Variants in TSPAN18 observed in about 807,000 individuals in gnomAD.
TSPAN18 encodes the protein tetraspanin 18.
Under a neutral mutation model 27.3 loss-of-function variants are expected in TSPAN18, and 14 were observed. The observed-to-expected ratio is 0.51, with a 90% CI of 0.34 to 0.80. The LOEUF is 0.80. Among genes scored for constraint, TSPAN18 ranks in the 30% least tolerant of loss-of-function variants. The pLI, the probability that TSPAN18 is intolerant of heterozygous loss-of-function variation, is 0.01. For missense variants in TSPAN18, 268 were observed against 323.9 expected, an observed-to-expected ratio of 0.83 and a Z score of 1.32; for synonymous variants, 143 against 136.5, an observed-to-expected ratio of 1.05 and a Z score of -0.33.
chr11:44,888,238 G>A (rs1232180464), intron 3 of TSPAN18, among the ~76,000 whole-genome samples: 2 of 152,150 alleles, frequency 1.3e-5, no homozygotes, highest in Non-Finnish European at 2.9e-5. Flanking sequence ...GTGCCTTCTG[G>A]CATCTGAGAC....
intron 2 of TSPAN18, among the ~76,000 whole-genome samples, chr11:44,799,595 G>A (rs764363329): frequency 3.3e-5 from 5 of 152,172 alleles, no homozygotes; most frequent in Admixed American, 6.5e-5. Flanking sequence ...GGCCTATTGC[G>A]TGGGGCACAT....
chr11:44,732,117 G>A (rs1055117385), intron 1 of TSPAN18, among the ~76,000 whole-genome samples: 11 of 152,238 alleles, frequency 7.2e-5, no homozygotes, highest in Admixed American at 7.2e-4. Context: ...GGCCCGGTCC[G>A]TGGTCTAAAG....
At chr11:44,887,123 G>A (rs775190613) in intron 3 of TSPAN18, among the ~76,000 whole-genome samples, 4 of 152,126 alleles carry the variant, frequency 2.6e-5, no homozygotes, top group African/African-American at 4.8e-5. Flanking sequence ...TCTAAATTTC[G>A]GCTAATAAGA....
At chr11:44,809,800 A>G (rs1288493097) in intron 2 of TSPAN18, among the ~76,000 whole-genome samples, 1 of 152,156 alleles carries the variant, frequency 6.6e-6, no homozygotes, top group Non-Finnish European at 1.5e-5. Flanking sequence ...TGTTATGGGG[A>G]ATAAGTGAGA....
intron 1 of TSPAN18, among the ~76,000 whole-genome samples, chr11:44,740,128 GATCTCTGCCCGCCCCTTGCCT>G (rs1440686003): frequency 6.6e-6 from 1 of 152,166 alleles, no homozygotes; most frequent in African/African-American, 2.4e-5. Context: ...GGCCCTCTCC[GATCTCTGCCCGCCCCTTGCCT>G]ATCTCTGCTT....
At chr11:44,767,315 C>T (rs557380357) in intron 2 of TSPAN18, among the ~76,000 whole-genome samples, 27 of 152,302 alleles carry the variant, frequency 1.8e-4, no homozygotes, top group South Asian at 6.2e-4. Context: ...CCCCAGAAGG[C>T]GAGCATTAAT....
intron 2 of TSPAN18, among the ~76,000 whole-genome samples, chr11:44,842,872 C>T (rs916824822): frequency 6.6e-6 from 1 of 152,160 alleles, no homozygotes; most frequent in Non-Finnish European, 1.5e-5. Flanking sequence ...CCCTCCAGCC[C>T]AGAAGGCTCT....
At chr11:44,868,719 C>T (rs576477077) in intron 3 of TSPAN18, among the ~76,000 whole-genome samples, 2 of 152,300 alleles carry the variant, frequency 1.3e-5, no homozygotes, top group South Asian at 4.1e-4. Flanking sequence ...CAAACCACAA[C>T]CAGGGTCCTG....
At chr11:44,785,724 G>A (rs1389387035) in intron 2 of TSPAN18, among the ~76,000 whole-genome samples, 3 of 152,106 alleles carry the variant, frequency 2.0e-5, no homozygotes, top group Non-Finnish European at 4.4e-5. Context: ...GGTCTTTGGC[G>A]GGACTTTGTA....
chr11:44,907,545 G>T (rs1859498166), intron 4 of TSPAN18, among the ~76,000 whole-genome samples: 1 of 152,036 alleles, frequency 6.6e-6, no homozygotes, highest in Non-Finnish European at 1.5e-5. Flanking sequence ...ATCCTAAAAA[G>T]CCTCAAGCCT....
At chr11:44,726,431 C>T (rs1854502601), upstream of TSPAN18, 1 of 152,232 alleles carries the variant, frequency 6.6e-6, no homozygotes, top group East Asian at 1.9e-4. Flanking sequence ...TTGCATCTGA[C>T]CTGGGGTCAG....
chr11:44,806,656 G>C (rs936372723), intron 2 of TSPAN18, among the ~76,000 whole-genome samples: 1 of 152,114 alleles, frequency 6.6e-6, no homozygotes, highest in Non-Finnish European at 1.5e-5. Flanking sequence ...CCTTTTTTCA[G>C]TTTTACTTGT....
chr11:44,798,085 C>T (rs968485049), intron 2 of TSPAN18, among the ~76,000 whole-genome samples: 2 of 152,202 alleles, frequency 1.3e-5, no homozygotes, highest in African/African-American at 4.8e-5. Flanking sequence ...TCTAGAAAGG[C>T]TCTTCAGGCC....
At chr11:44,809,414 A>G (rs1856668054) in intron 2 of TSPAN18, among the ~76,000 whole-genome samples, 1 of 152,100 alleles carries the variant, frequency 6.6e-6, no homozygotes, top group African/African-American at 2.4e-5. Flanking sequence ...TTCTTGTCAC[A>G]AAAGGATTCA....
At chr11:44,882,756 G>A (rs928170303) in intron 3 of TSPAN18, among the ~76,000 whole-genome samples, 11 of 152,180 alleles carry the variant, frequency 7.2e-5, no homozygotes, top group African/African-American at 2.4e-4. Context: ...CAAGGCCAGA[G>A]AGTGGGGTGT....
chr11:44,894,937 A>ATCAT (rs1160489769), intron 3 of TSPAN18, among the ~76,000 whole-genome samples: 1 of 152,184 alleles, frequency 6.6e-6, no homozygotes, highest in African/African-American at 2.4e-5. Context: ...TTGGGGCTAA[A>ATCAT]TCATAGCCAT....
At chr11:44,792,896 GA>G (rs1343365903) in intron 2 of TSPAN18, among the ~76,000 whole-genome samples, 1 of 152,194 alleles carries the variant, frequency 6.6e-6, no homozygotes, top group Non-Finnish European at 1.5e-5. Flanking sequence ...GGAGGATGGG[GA>G]AGCCACAGGA....
chr11:44,817,927 C>T (rs1025675885), intron 2 of TSPAN18, among the ~76,000 whole-genome samples: 6 of 152,216 alleles, frequency 3.9e-5, no homozygotes, highest in Non-Finnish European at 5.9e-5. Context: ...AGCTGGACAA[C>T]AGTCCTCAGT....
chr11:44,826,239 A>G (rs1208697898), intron 2 of TSPAN18, among the ~76,000 whole-genome samples: 1 of 152,322 alleles, frequency 6.6e-6, no homozygotes, highest in African/African-American at 2.4e-5. Context: ...CCTGACCAAC[A>G]TGGAGAAACC....
Sources: gnomAD v4.1 joint callset for allele counts (sites outside exome capture counted in the v4.1 genomes callset) on GRCh38, gnomAD v4.1.1 for gene constraint, MANE v1.5 for transcripts, NCBI Gene and HGNC (gene_info 2026-07-23, HGNC 2026-07-21) for gene names.